The following KIAA1217 variants were observed in gnomAD, a reference collection of about 807,000 sequenced individuals.
The protein encoded by KIAA1217 is KIAA1217, also known as sickle tail protein homolog.
Under a neutral mutation model 163.9 loss-of-function variants are expected in KIAA1217, and 88 were observed. The observed-to-expected ratio is 0.54, with a 90% CI of 0.45 to 0.64. The LOEUF (loss-of-function observed/expected upper bound fraction) is 0.64. Among genes scored for constraint, KIAA1217 ranks in the 30% least tolerant of loss-of-function variants. The probability of loss-of-function intolerance (pLI) is 0.00; values close to 1 mark genes in which losing one functional copy is unlikely to be tolerated. For missense variants in KIAA1217, 2,372 were observed against 2,475.0 expected (o/e 0.96, Z 0.88); for synonymous variants, 903 against 923.1 (o/e 0.98, Z 0.39).
At chr10:23,728,455 A>G (rs1383943526) in intron 1 of KIAA1217, among the ~76,000 whole-genome samples, 1 of 150,788 alleles carries the variant, frequency 6.6e-6, no homozygotes, top group Non-Finnish European at 1.5e-5. Context: ...TGGCTGCACA[A>G]ATGTCTTTTT....
chr10:24,363,561 G>A (rs78471831), intron 2 of KIAA1217, among the ~76,000 whole-genome samples: 1 of 64,262 alleles, frequency 1.6e-5, no homozygotes, highest in African/African-American at 4.0e-5. Flanking sequence ...TGTGGGTTTT[G>A]TTTTTGTTTT....
Position 24,546,054 on chromosome 10 carries a change from C to G in KIAA1217, c.5562C>G (p.Ile1854Met). 1.9e-6 allele frequency: 3 copies of G among 1,614,240 alleles called. No homozygotes were observed. Among genetic ancestry groups the G allele is most frequent in the East Asian group, 4.5e-5 (2 of 44,884 alleles). Reference protein sequence around the residue: ...TGPPAHSASLIPSVSNGSLKF... With the variant: ...TGPPAHSASLMPSVSNGSLKF... ...CACCTGCTCACTCTGCCTCCCTCATCCCTTCTGTCTCTAATGGCTCTTTGA... is the reference window on the plus strand; with the variant it reads ...CACCTGCTCACTCTGCCTCCCTCATGCCTTCTGTCTCTAATGGCTCTTTGA... Residue 1854 changes from isoleucine (I) to methionine (M), a missense_variant, in exon 21 of 21, where the codon ATC becomes ATG. Physicochemically the swap from Ile to Met is conservative, Grantham distance 10. This residue lies in a region of KIAA1217 where 690 missense variants were observed against 677.5 expected (regional missense o/e 1.02). Coordinates refer to ENST00000376454, the MANE Select transcript of KIAA1217 (RefSeq NM_019590.5).
intron 1 of KIAA1217, among the ~76,000 whole-genome samples, chr10:23,910,812 T>C (rs138212768): frequency 7.2e-5 from 11 of 152,110 alleles, no homozygotes; most frequent in African/African-American, 2.7e-4. Context: ...AAGAGGGAAA[T>C]CAAACCCCAG....
At chr10:24,167,593 C>T (rs997576136) in intron 2 of KIAA1217, among the ~76,000 whole-genome samples, 4 of 152,060 alleles carry the variant, frequency 2.6e-5, no homozygotes, top group African/African-American at 9.7e-5. Context: ...AGTGTTTTTC[C>T]ACCTTTACCC....
At chr10:24,217,868 T>TC (rs1303342369) in intron 1 of KIAA1217, among the ~76,000 whole-genome samples, 2 of 152,220 alleles carry the variant, frequency 1.3e-5, no homozygotes, top group African/African-American at 4.8e-5. Context: ...TTTTAAAAGA[T>TC]TTAGAGGTAG....
intron 1 of KIAA1217, among the ~76,000 whole-genome samples, chr10:23,784,436 A>C (rs1374025044): frequency 6.6e-6 from 1 of 152,106 alleles, no homozygotes; most frequent in Non-Finnish European, 1.5e-5. Context: ...TTTCTACTCA[A>C]GGTAATTGCT....
chr10:23,853,498 G>A lies in KIAA1217; in HGVS notation c.-320-153727G>A, dbSNP rs547025101. Among the ~76,000 whole-genome samples the A allele has an allele frequency of 3.3e-5, 5 of 152,272 alleles. No individual in the cohort carries two copies. In the South Asian group the frequency reaches 1.0e-3, roughly 32 times the overall value. On this transcript the variant is annotated intron_variant, in intron 1 of 18. Coordinates refer to the KIAA1217 transcript ENST00000376462. The stretch of plus-strand genomic sequence containing the variant: ...CTCTTTTTTGGTTGTGTCTCTGCCT[G>A]GCTTTGGTATCAGGATGATGCTGGC...
At chr10:23,930,865 A>C (rs1843226849) in intron 1 of KIAA1217, among the ~76,000 whole-genome samples, 1 of 152,104 alleles carries the variant, frequency 6.6e-6, no homozygotes, top group African/African-American at 2.4e-5. Context: ...ACCTTCTTAG[A>C]TGGCCCTTTG....
At chr10:24,235,278 A>T (rs907152594) in intron 2 of KIAA1217, among the ~76,000 whole-genome samples, 1 of 152,234 alleles carries the variant, frequency 6.6e-6, no homozygotes, top group African/African-American at 2.4e-5. Flanking sequence ...AAGTTGAAAC[A>T]TGAAATTAAC....
At chr10:23,783,302 G>T (rs1475677030) in intron 1 of KIAA1217, among the ~76,000 whole-genome samples, 4 of 152,140 alleles carry the variant, frequency 2.6e-5, no homozygotes, top group Non-Finnish European at 4.4e-5. Flanking sequence ...ACACAGGTTG[G>T]ACAACCTTGA....
chr10:23,880,160 C>A (rs1413206623), intron 1 of KIAA1217, among the ~76,000 whole-genome samples: 1 of 151,846 alleles, frequency 6.6e-6, no homozygotes, highest in East Asian at 1.9e-4. Flanking sequence ...GAGTTTATTG[C>A]AGCACTATTC....
At chr10:24,216,699 C>A (rs564634521) in intron 1 of KIAA1217, among the ~76,000 whole-genome samples, 1 of 151,022 alleles carries the variant, frequency 6.6e-6, no homozygotes, top group African/African-American at 2.4e-5. Context: ...TGGTTGCGCA[C>A]GGCTGTAATC....
At position 24,474,075 on chromosome 10, in the gene KIAA1217, G is replaced by T; in HGVS notation, c.1679+15G>T. The T allele has an allele frequency of 6.4e-7, 1 of 1,558,746 alleles. No homozygotes were observed. The highest frequency in any genetic ancestry group is 8.7e-7 in the Non-Finnish European group (1 of 1,149,652). On this transcript the variant is annotated intron_variant, in intron 6 of 20. Coordinates refer to ENST00000376454, the MANE Select transcript of KIAA1217 (RefSeq NM_019590.5). ...AGAGAGACCAGGTAAGGTGCAGTGAGGGTGACCGAGGGTGGTACCTGGGCC... is the reference window on the plus strand; with the variant it reads ...AGAGAGACCAGGTAAGGTGCAGTGATGGTGACCGAGGGTGGTACCTGGGCC...
chr10:24,461,809 C>T (rs1232794034), intron 5 of KIAA1217, among the ~76,000 whole-genome samples: 1 of 152,020 alleles, frequency 6.6e-6, no homozygotes, highest in Non-Finnish European at 1.5e-5. Flanking sequence ...TATTTTTGTT[C>T]ACGATATAAT....
intron 1 of KIAA1217, among the ~76,000 whole-genome samples, chr10:23,830,714 A>G (rs927215334): frequency 8.1e-6 from 1 of 123,624 alleles, no homozygotes; most frequent in Non-Finnish European, 1.8e-5. Flanking sequence ...AGGTAGATAG[A>G]TAGGTAGATA....
At position 24,546,603 on chromosome 10, in the gene KIAA1217, GC is replaced by G. The variant is rs2075732365; in HGVS notation, c.*280del. 1.4e-5 allele frequency: 5 copies of G among 347,488 alleles called. No homozygotes were observed. The highest frequency in any genetic ancestry group is 2.6e-5 in the Non-Finnish European group (5 of 192,224). The allele number at this position is 347,488 out of a possible 1,614,324, so 21.5% of individuals were successfully genotyped here. ...AGAGGTTCTGGTGGGAGAGAAAGGT[GC>G]GTGTGAGACAGGAGAATTGTCTTAA... On this transcript the variant is annotated 3_prime_UTR_variant, in exon 21 of 21. Transcript: ENST00000376454.
intron 1 of KIAA1217, among the ~76,000 whole-genome samples, chr10:23,861,783 C>T (rs1416711829): frequency 6.6e-6 from 1 of 152,150 alleles, no homozygotes. Flanking sequence ...AAATTTTTTT[C>T]AGCAGATATG....
rs760647439 is a variant in KIAA1217, at chr10:24,543,950, C to T, written c.4680C>T (p.Asp1560=). Residue 1560 remains aspartate (D), a synonymous_variant, in exon 19 of 21, where the codon GAC becomes GAT. Transcript: ENST00000376454. ...DSPNSECKGE[D]ATDDQFESPK... ...CAAATTCGGAATGCAAGGGTGAGGACGCGACCGATGACCAGTTTGAAAGCC... is the reference window on the plus strand; with the variant it reads ...CAAATTCGGAATGCAAGGGTGAGGATGCGACCGATGACCAGTTTGAAAGCC... The T allele has an allele frequency of 2.9e-5, 46 of 1,613,864 alleles. No individual in the cohort carries two copies. Among genetic ancestry groups the T allele is most frequent in the South Asian group, 2.5e-4 (23 of 91,062 alleles).
intron 2 of KIAA1217, among the ~76,000 whole-genome samples, chr10:24,261,264 G>A (rs978102834): frequency 1.3e-5 from 2 of 152,144 alleles, no homozygotes; most frequent in South Asian, 2.1e-4. Flanking sequence ...CTGGGAGGCT[G>A]AGGCAGGTGG....
Sources: gnomAD v4.1 joint callset for allele counts (sites outside exome capture counted in the v4.1 genomes callset) on GRCh38, gnomAD v4.1.1 for gene constraint, gnomAD v4.1.1 regional missense constraint, MANE v1.5 for transcripts, NCBI Gene and HGNC (gene_info 2026-07-23, HGNC 2026-07-21) for gene names.